Variants in HRH2 observed in about 807,000 individuals in gnomAD.
HRH2 encodes the protein histamine receptor H2, also known as histamine H2 receptor.
HRH2 carries 4 observed loss-of-function variants against 20.1 expected under a neutral mutation model. The observed-to-expected ratio is 0.20, with a 90% CI of 0.10 to 0.45. The LOEUF (loss-of-function observed/expected upper bound fraction) is 0.45, where lower values mean the gene tolerates loss of function less well. HRH2 is among the 20% of genes least tolerant of loss of function. HRH2 has a pLI of 0.99. For synonymous variants in HRH2, 197 were observed against 200.7 expected (o/e 0.98, Z 0.16); for missense variants, 250 against 461.6 (o/e 0.54, Z 4.20).
intron 1 of HRH2, among the ~76,000 whole-genome samples, chr5:175,671,279 A>G (rs184921882): frequency 6.4e-4 from 97 of 152,336 alleles, no homozygotes; most frequent in Admixed American, 6.3e-3. Flanking sequence ...TGCATAAGAT[A>G]ATCAACGGGT....
At chr5:175,698,513 C>G (rs1387817913) in intron 2 of HRH2, among the ~76,000 whole-genome samples, 3 of 152,166 alleles carry the variant, frequency 2.0e-5, no homozygotes, top group Non-Finnish European at 4.4e-5. Context: ...AAAAAAGATG[C>G]AAAACACCCA....
intron 2 of HRH2, among the ~76,000 whole-genome samples, chr5:175,701,695 A>G (rs1468268047): frequency 6.6e-6 from 1 of 152,218 alleles, no homozygotes; most frequent in Non-Finnish European, 1.5e-5. Flanking sequence ...GGCAAAGGGA[A>G]ATAGGTCAAC....
intron 1 of HRH2, among the ~76,000 whole-genome samples, chr5:175,663,759 C>A (rs1286271812): frequency 6.6e-6 from 1 of 152,204 alleles, no homozygotes; most frequent in Non-Finnish European, 1.5e-5. Context: ...CTTCTCCAGC[C>A]CCCCTCTAGC....
chr5:175,671,718 G>A (rs1755546853), intron 1 of HRH2, among the ~76,000 whole-genome samples: 2 of 152,154 alleles, frequency 1.3e-5, no homozygotes, highest in African/African-American at 4.8e-5. Flanking sequence ...GTAACATTAT[G>A]CCAGCTGGTC....
At chr5:175,688,135 CCTT>C (rs781386480) in intron 2 of HRH2, among the ~76,000 whole-genome samples, 7 of 152,240 alleles carry the variant, frequency 4.6e-5, no homozygotes, top group Admixed American at 6.5e-5. Context: ...CCCTCTACCT[CCTT>C]GTTAGAAAGA....
rs980918775 is a variant in HRH2 at position 175,693,510 on chromosome 5, C to T, written c.1076+9201C>T. Among the ~76,000 whole-genome samples the T allele has an allele frequency of 5.3e-5, 8 of 152,304 alleles. No homozygotes were observed. The East Asian group carries it at 1.4e-3, about 26-fold the overall frequency. ...ATGGAGGACACTCAGTCCCTCCTCA[C>T]GTGAGGACTGACCACATCCCTTTGT... On this transcript the variant is annotated intron_variant, in intron 2 of 2. Coordinates refer to ENST00000636584, the MANE Select transcript of HRH2 (RefSeq NM_001367711.1). The surrounding 1 kb of genome is among the most constrained non-coding windows in gnomAD (Gnocchi z 4.4).
At position 175,683,803 on chromosome 5, in the gene HRH2, C is replaced by T; in HGVS notation, c.570C>T (p.Thr190=). 6.2e-7 allele frequency: 1 copy of T among 1,614,162 alleles called. No individual in the cohort carries two copies. The highest frequency in any genetic ancestry group is 8.5e-7 in the Non-Finnish European group (1 of 1,180,032). ...EVYGLVDGLV[T]FYLPLLIMCI... The stretch of plus-strand genomic sequence containing the variant: ...ACGGGCTGGTGGATGGGCTGGTCAC[C>T]TTCTACCTCCCGCTACTGATCATGT... Residue 190 remains threonine, a synonymous_variant, in exon 2 of 3, where the codon ACC becomes ACT. Coordinates refer to ENST00000636584, the MANE Select transcript of HRH2 (RefSeq NM_001367711.1).
intron 2 of HRH2, among the ~76,000 whole-genome samples, chr5:175,697,693 C>T (rs1756649250): frequency 6.6e-6 from 1 of 152,188 alleles, no homozygotes; most frequent in Admixed American, 6.5e-5. Context: ...CCCTGCTCTA[C>T]AGCCTTCAGT....
At chr5:175,699,824 C>T (rs1424845327) in intron 2 of HRH2, among the ~76,000 whole-genome samples, 2 of 152,230 alleles carry the variant, frequency 1.3e-5, no homozygotes, top group Non-Finnish European at 2.9e-5. Context: ...CCGCCCGCCT[C>T]AGCCTCCCAA....
intron 1 of HRH2, among the ~76,000 whole-genome samples, chr5:175,659,561 AT>A (rs1261356768): frequency 6.6e-6 from 1 of 152,126 alleles, no homozygotes; most frequent in East Asian, 1.9e-4. Flanking sequence ...TCAAATTCCA[AT>A]TTACAGATGA....
At chr5:175,692,145 T>C (rs1382579656) in intron 2 of HRH2, among the ~76,000 whole-genome samples, 1 of 152,192 alleles carries the variant, frequency 6.6e-6, no homozygotes, top group African/African-American at 2.4e-5. Flanking sequence ...GTAAATATTT[T>C]AGGCTGTGCA....
intron 2 of HRH2, among the ~76,000 whole-genome samples, chr5:175,698,063 C>G (rs1036051104): frequency 6.6e-6 from 1 of 152,274 alleles, no homozygotes; most frequent in Non-Finnish European, 1.5e-5. Flanking sequence ...GGAGCGCACA[C>G]ACGCTCTTGC....
intron 2 of HRH2, among the ~76,000 whole-genome samples, chr5:175,706,681 G>C (rs983333549): frequency 3.9e-5 from 6 of 152,242 alleles, no homozygotes; most frequent in African/African-American, 1.4e-4. Flanking sequence ...TGAGGCCCAG[G>C]TGCAGGTGGG....
intron 1 of HRH2, among the ~76,000 whole-genome samples, chr5:175,662,464 C>A (rs994907886): frequency 1.3e-5 from 2 of 152,080 alleles, no homozygotes; most frequent in Admixed American, 6.5e-5. Flanking sequence ...GGTTAAGAAA[C>A]CCTGGGCTGG....
intron 2 of HRH2, among the ~76,000 whole-genome samples, chr5:175,689,028 C>G (rs1030935308): frequency 1.3e-5 from 2 of 152,196 alleles, no homozygotes; most frequent in Non-Finnish European, 2.9e-5. Flanking sequence ...CTGGAGGGCT[C>G]CAGTCACAGC....
In HRH2 at chr5:175,677,106, C is replaced by A. The variant is rs577092429; in HGVS notation, c.-525-5603C>A. On this transcript the variant is annotated intron_variant, in intron 1 of 2. Coordinates refer to ENST00000636584, the MANE Select transcript of HRH2 (RefSeq NM_001367711.1). This position sits in a 1 kb window ranked among gnomAD's most constrained non-coding sequence, Gnocchi z 4.2. ...AACCCCTGGGCTCAAGCGATCTTCC[C>A]ACCTCGGCCTCCCGAGTAGCCTGCC... is the stretch of plus-strand genomic sequence containing the variant. Among the ~76,000 whole-genome samples, 1 of 152,090 alleles carries A rather than the reference C, an allele frequency of 6.6e-6. No homozygotes were observed. Among genetic ancestry groups the A allele is most frequent in the Non-Finnish European group, 1.5e-5 (1 of 68,020 alleles).
intron 2 of HRH2, among the ~76,000 whole-genome samples, chr5:175,698,829 G>A (rs1002837299): frequency 1.1e-4 from 16 of 152,208 alleles, no homozygotes; most frequent in African/African-American, 3.6e-4. Flanking sequence ...GTCCCACGGG[G>A]TTCATTTCAC....
chr5:175,704,064 C>G (rs1204981310), intron 2 of HRH2: 1 of 152,010 alleles, frequency 6.6e-6, no homozygotes, highest in African/African-American at 2.4e-5. Flanking sequence ...ATGAGTTCTA[C>G]CAGACACTCA....
chr5:175,699,488 C>T (rs1047606545), intron 2 of HRH2, among the ~76,000 whole-genome samples: 6 of 152,204 alleles, frequency 3.9e-5, no homozygotes, highest in African/African-American at 1.2e-4. Flanking sequence ...CTGACGCTCT[C>T]AGTCTGGGGT....
Sources: gnomAD v4.1 joint callset for allele counts (sites outside exome capture counted in the v4.1 genomes callset) on GRCh38, gnomAD v4.1.1 for gene constraint, Gnocchi (gnomAD v3.1) non-coding constraint, MANE v1.5 for transcripts, NCBI Gene and HGNC (gene_info 2026-07-23, HGNC 2026-07-21) for gene names.